PRKN: variants seen among roughly 807,000 people sequenced by gnomAD.
PRKN encodes E3 ubiquitin-protein ligase parkin.
In PRKN, 56 loss-of-function variants were observed where a neutral mutation model predicts 59.5. That is an observed-to-expected ratio of 0.94 (90% CI 0.76 to 1.18). The LOEUF (loss-of-function observed/expected upper bound fraction) is 1.18, where lower values mean the gene tolerates loss of function less well. PRKN is among the 50% of genes most tolerant of loss of function. The pLI, the probability that PRKN is intolerant of heterozygous loss-of-function variation, is 0.00. For synonymous variants in PRKN, 250 were observed against 222.1 expected (o/e 1.13, Z -1.12); for missense variants, 657 against 596.4 (o/e 1.10, Z -1.06).
At position 161,459,739 on chromosome 6, in the gene PRKN, A is replaced by G. The variant is rs1175475816; in HGVS notation, c.1084-72862T>C. 6.6e-6 allele frequency among the ~76,000 whole-genome samples: 1 copy of G among 152,220 alleles called. No homozygotes were observed. Among genetic ancestry groups the G allele is most frequent in the Non-Finnish European group, 1.5e-5 (1 of 68,044 alleles). ...AGGAAACTAGCTAACTGGTGCCACC[A>G]TAACATTTGCTATAATTATAACAGT... is the stretch of plus-strand genomic sequence containing the variant. On this transcript the variant is annotated intron_variant, in intron 9 of 11. Coordinates refer to ENST00000366898, the MANE Select transcript of PRKN (RefSeq NM_004562.3). The surrounding 1 kb of genome is among the most constrained non-coding windows in gnomAD (Gnocchi z 4.8).
chr6:162,006,765 T>C (rs1391485906), intron 5 of PRKN, among the ~76,000 whole-genome samples: 5 of 152,174 alleles, frequency 3.3e-5, no homozygotes, highest in Non-Finnish European at 7.4e-5. Context: ...CCTTCTCTTA[T>C]TGTTTGCATG....
intron 3 of PRKN, among the ~76,000 whole-genome samples, chr6:162,206,583 C>T (rs1007178715): frequency 3.2e-4 from 49 of 152,130 alleles, no homozygotes; most frequent in African/African-American, 1.0e-3. Flanking sequence ...TTTTCAGTTA[C>T]ACCTGCCATA....
intron 2 of PRKN, among the ~76,000 whole-genome samples, chr6:162,429,488 T>C (rs1246694823): frequency 1.3e-5 from 2 of 152,036 alleles, no homozygotes; most frequent in Non-Finnish European, 2.9e-5. Context: ...ACAGCCTCCA[T>C]TCATTGGCCC....
At chr6:161,867,962 T>C (rs1438556623) in intron 6 of PRKN, among the ~76,000 whole-genome samples, 3 of 151,688 alleles carry the variant, frequency 2.0e-5, no homozygotes, top group Admixed American at 1.3e-4. Context: ...GGTTTCTCCA[T>C]GTTGGCCATT....
intron 7 of PRKN, among the ~76,000 whole-genome samples, chr6:161,756,948 C>T (rs917028656): frequency 6.6e-6 from 1 of 152,106 alleles, no homozygotes; most frequent in Non-Finnish European, 1.5e-5. Flanking sequence ...CAGTACATGG[C>T]CAACTGACTT....
chr6:161,685,520 C>T (rs1381726094), intron 7 of PRKN, among the ~76,000 whole-genome samples: 1 of 152,222 alleles, frequency 6.6e-6, no homozygotes, highest in Non-Finnish European at 1.5e-5. Flanking sequence ...CAAATTTACA[C>T]ATATGAGGGG....
intron 7 of PRKN, among the ~76,000 whole-genome samples, chr6:161,734,737 C>G (rs148735681): frequency 6.1e-4 from 93 of 152,216 alleles, no homozygotes; most frequent in Non-Finnish European, 1.1e-3. Context: ...TTGAATAAAT[C>G]TTCCAAGCCA....
chr6:162,262,661 C>T lies in PRKN; in HGVS notation c.276G>A (p.Ala92=), dbSNP rs200256562. 6.7e-5 allele frequency: 108 copies of T among 1,613,692 alleles called. No homozygotes were observed. In the Middle Eastern group the frequency reaches 1.2e-3, roughly 17 times the overall value. The change falls in exon 3 of 12, where the codon GCG becomes GCA. Residue 92 remains alanine, a synonymous_variant. Transcript: ENST00000366898. Reference sequence around the variant, plus strand: ...TCTGGGGCTCCCGCTCACAGCCTCCCGCCGCGTTTCTGGGGTCGTCGCCTC... The same window carrying T: ...TCTGGGGCTCCCGCTCACAGCCTCCTGCCGCGTTTCTGGGGTCGTCGCCTC... ...ATGGDDPRNA[A]GGCEREPQSL...
intron 2 of PRKN, among the ~76,000 whole-genome samples, chr6:162,349,121 A>T (rs1784520853): frequency 6.6e-6 from 1 of 152,048 alleles, no homozygotes; most frequent in South Asian, 2.1e-4. Context: ...AATTCTAGCA[A>T]ATATTTAGGG....
In PRKN at chr6:162,727,727, A is replaced by G; in HGVS notation, c.-59T>C. 2 of 1,535,246 alleles carry G rather than the reference A, an allele frequency of 1.3e-6. No homozygotes were observed. Among genetic ancestry groups the G allele is most frequent in the Non-Finnish European group, 1.8e-6 (2 of 1,133,724 alleles). ...ACAGGCCCATGCGCGCAGCGGCGCC[A>G]GCCGCGCCTCCCACCAGCGGCTCTC... On this transcript the variant is annotated 5_prime_UTR_variant, in exon 1 of 12. Transcript: ENST00000366898.
At chr6:162,011,499 ATATT>A (rs1782712347) in intron 5 of PRKN, among the ~76,000 whole-genome samples, 1 of 36,792 alleles carries the variant, frequency 2.7e-5, no homozygotes, top group African/African-American at 1.2e-4. Context: ...TATATAATAT[ATATT>A]TATTATATAT....
chr6:162,274,258 G>A (rs891433776), intron 2 of PRKN, among the ~76,000 whole-genome samples: 9 of 151,896 alleles, frequency 5.9e-5, no homozygotes, highest in African/African-American at 2.2e-4. Context: ...CATGATCAGG[G>A]CTCATTGCAG....
intron 1 of PRKN, among the ~76,000 whole-genome samples, chr6:162,720,984 C>T (rs1018567036): frequency 7.9e-5 from 12 of 152,134 alleles, no homozygotes; most frequent in South Asian, 4.1e-4. Flanking sequence ...AAATAAAACA[C>T]CTGTCAATAA....
chr6:161,622,580 C>T (rs1390444798), intron 7 of PRKN, among the ~76,000 whole-genome samples: 1 of 152,174 alleles, frequency 6.6e-6, no homozygotes, highest in African/African-American at 2.4e-5. Flanking sequence ...CACAGGTCTT[C>T]CCTCCACCCC....
intron 6 of PRKN, among the ~76,000 whole-genome samples, chr6:161,873,972 T>C (rs557306561): frequency 2.0e-5 from 1 of 50,840 alleles, no homozygotes; most frequent in African/African-American, 8.4e-5. Flanking sequence ...TAAAATATAA[T>C]ATATAAAATA....
intron 1 of PRKN, among the ~76,000 whole-genome samples, chr6:162,478,191 G>C (rs1424227944): frequency 6.6e-6 from 1 of 152,158 alleles, no homozygotes; most frequent in Admixed American, 6.5e-5. Flanking sequence ...ATACTGACCT[G>C]TAATTGGATA....
intron 2 of PRKN, among the ~76,000 whole-genome samples, chr6:162,291,282 T>C (rs1169391673): frequency 2.6e-5 from 4 of 152,058 alleles, no homozygotes; most frequent in East Asian, 3.9e-4. Flanking sequence ...ATTGGCATCG[T>C]CTACTGCCAG....
At chr6:162,580,312 C>T (rs891138459) in intron 1 of PRKN, among the ~76,000 whole-genome samples, 2 of 151,948 alleles carry the variant, frequency 1.3e-5, no homozygotes, top group Non-Finnish European at 2.9e-5. Flanking sequence ...GTGGTGCATG[C>T]CTGCAGTCCC....
intron 7 of PRKN, among the ~76,000 whole-genome samples, chr6:161,727,074 T>C (rs1787472299): frequency 1.3e-5 from 2 of 152,160 alleles, no homozygotes; most frequent in Non-Finnish European, 2.9e-5. Context: ...GATCTTGTCA[T>C]GGATCCTAAG....
Sources: allele counts gnomAD v4.1 joint callset (sites outside exome capture counted in the v4.1 genomes callset), GRCh38; gene constraint gnomAD v4.1.1; non-coding constraint Gnocchi (gnomAD v3.1); transcripts MANE v1.5; gene names NCBI Gene and HGNC (gene_info 2026-07-23, HGNC 2026-07-21).